EPHA2: variants seen among roughly 807,000 people sequenced by gnomAD.
EPHA2 encodes the protein EPH receptor A2.
In EPHA2, 54 loss-of-function variants were observed where a neutral mutation model predicts 104.9. The observed-to-expected ratio is 0.51, with a 90% CI of 0.41 to 0.65. EPHA2 has a LOEUF of 0.65. EPHA2 is among the 30% of genes least tolerant of loss of function. EPHA2 has a pLI of 0.00. For synonymous variants in EPHA2, 560 were observed against 559.1 expected (o/e 1.00, Z -0.02); for missense variants, 1,117 against 1,369.5 (o/e 0.82, Z 2.91).
intron 3 of EPHA2, among the ~76,000 whole-genome samples, 158 bp from the exon 4 acceptor site, chr1:16,138,588 A>C (rs954165712): frequency 1.3e-5 from 2 of 152,196 alleles, no homozygotes; most frequent in Non-Finnish European, 2.9e-5. Flanking sequence ...CTTGTGATGG[A>C]AAAATGCATG....
Position 16,154,513 on chromosome 1 carries a change from G to T in EPHA2, c.85+1335C>A, listed in dbSNP as rs570308255. On this transcript the variant is annotated intron_variant, in intron 1 of 16. Coordinates refer to ENST00000358432, the MANE Select transcript of EPHA2 (RefSeq NM_004431.5). ...TCATGCCTGTAATCGCAGCACTTTG[G>T]GAGGCCGCGGCGGGTGGATCACCTG... is the stretch of plus-strand genomic sequence containing the variant. 1.7e-3 allele frequency among the ~76,000 whole-genome samples: 256 copies of T among 152,198 alleles called. 1 individual carries two copies. The highest frequency in any genetic ancestry group is 5.9e-3 in the African/African-American group (244 of 41,540).
intron 1 of EPHA2, chr1:16,155,613 C>T (rs1257283471): frequency 4.9e-6 from 2 of 406,844 alleles, no homozygotes; most frequent in Non-Finnish European, 8.6e-6. Flanking sequence ...GTCCTCTTCT[C>T]CGCAGCCTCC....
chr1:16,135,804 G>C lies in EPHA2; in HGVS notation c.1313-34C>G. 8.6e-7 allele frequency: 1 copy of C among 1,158,560 alleles called. No individual in the cohort carries two copies. The highest frequency in any genetic ancestry group is 1.2e-5 in the South Asian group (1 of 82,146). The allele number at this position is 1,158,560 out of a possible 1,614,324, so 71.8% of individuals were successfully genotyped here. On this transcript the variant is annotated intron_variant, in intron 5 of 16. Transcript: ENST00000358432. This position sits in a 1 kb window ranked among gnomAD's most constrained non-coding sequence, Gnocchi z 4.3. Reference sequence around the variant, plus strand: ...GACAGGCAGTGGGGGAAGTGGGTAAGAAGCTGCCTACGAGCAGGCAGGGTT... The same window carrying C: ...GACAGGCAGTGGGGGAAGTGGGTAACAAGCTGCCTACGAGCAGGCAGGGTT...
intron 16 of EPHA2, among the ~76,000 whole-genome samples, chr1:16,126,445 C>T (rs982882559): frequency 1.3e-5 from 2 of 152,200 alleles, no homozygotes; most frequent in Non-Finnish European, 2.9e-5. Flanking sequence ...GGAGCCCCGG[C>T]ACAGGCGCAG....
In EPHA2 at chr1:16,131,591, A is replaced by AT. The variant is rs1257049166; in HGVS notation, c.2475+129_2475+130insA. 57 of 1,364,306 alleles carry AT rather than the reference A, an allele frequency of 4.2e-5. No homozygotes were observed. Among genetic ancestry groups the AT allele is most frequent in the Non-Finnish European group, 5.1e-5 (51 of 1,006,900 alleles). 84.5% of individuals were successfully genotyped at this position (1,364,306 alleles called of 1,614,324 possible). A position where few individuals can be genotyped will look rare whatever the true frequency, so the allele number is the denominator to read the frequency against. On this transcript the variant is annotated intron_variant, in intron 14 of 16. Coordinates refer to ENST00000358432, the MANE Select transcript of EPHA2 (RefSeq NM_004431.5). This position sits in a 1 kb window ranked among gnomAD's most constrained non-coding sequence, Gnocchi z 5.2. ...GCAAAACTCCGTCTCCAAAAAAAAAAAATAAACATTTATGGAGCAAGCCTA... is the reference window on the plus strand; with the variant it reads ...GCAAAACTCCGTCTCCAAAAAAAAAATAATAAACATTTATGGAGCAAGCCTA...
At chr1:16,141,598 GC>G (rs1449102373) in intron 3 of EPHA2, among the ~76,000 whole-genome samples, 1 of 152,218 alleles carries the variant, frequency 6.6e-6, no homozygotes, top group Admixed American at 6.5e-5. Flanking sequence ...AGGCTCTCAG[GC>G]CAGGCAGGGG....
rs910815925 is a variant in EPHA2, at chr1:16,135,775, G to A, written c.1313-5C>T. 14 of 1,591,720 alleles carry A rather than the reference G, an allele frequency of 8.8e-6. No individual in the cohort carries two copies. The highest frequency in any genetic ancestry group is 1.7e-5 in the Admixed American group (1 of 59,978). On this transcript the variant is annotated splice_region_variant and splice_polypyrimidine_tract_variant and intron_variant, in intron 5 of 16. Coordinates refer to ENST00000358432, the MANE Select transcript of EPHA2 (RefSeq NM_004431.5). This position sits in a 1 kb window ranked among gnomAD's most constrained non-coding sequence, Gnocchi z 4.3. ...CCAGCCTCACCTTGGGGGGCTCTGG[G>A]CAGGACAGGCAGTGGGGGAAGTGGG... is the stretch of plus-strand genomic sequence containing the variant.
rs557283525 is a variant in EPHA2 at position 16,134,090 on chromosome 1, G to A, written c.1683-175C>T. Among the ~76,000 whole-genome samples, 248 of 152,192 alleles carry A rather than the reference G, an allele frequency of 1.6e-3. No homozygotes were observed. The highest frequency in any genetic ancestry group is 4.6e-3 in the African/African-American group (189 of 41,532). ...TCAGGGCCGAGGGTGCGGAGAAGGCGGGTGGAGGAACAGGGAGGAAGTGAG... is the reference window on the plus strand; with the variant it reads ...TCAGGGCCGAGGGTGCGGAGAAGGCAGGTGGAGGAACAGGGAGGAAGTGAG... On this transcript the variant is annotated intron_variant, in intron 8 of 16. Transcript: ENST00000358432. This position sits in a 1 kb window ranked among gnomAD's most constrained non-coding sequence, Gnocchi z 4.5.
In EPHA2 at chr1:16,148,943, C is replaced by T. The variant is rs1332642685; in HGVS notation, c.258G>A (p.Val86=). ...DQDNWLRTNW[V]YRGEAERIFI... ...AGATACGCTCAGCCTCTCCTCGGTACACCCAGTTGGTGCGGAGCCAGTTGT... is the reference window on the plus strand; with the variant it reads ...AGATACGCTCAGCCTCTCCTCGGTATACCCAGTTGGTGCGGAGCCAGTTGT... The change falls in exon 3 of 17, where the codon GTG becomes GTA. Residue 86 remains valine (V), a synonymous_variant. Transcript: ENST00000358432. The surrounding 1 kb of genome is among the most constrained non-coding windows in gnomAD (Gnocchi z 4.9). 8 of 1,614,038 alleles carry T rather than the reference C, an allele frequency of 5.0e-6. No homozygotes were observed. The African/African-American group carries it at 9.3e-5, about 19-fold the overall frequency.
chr1:16,136,626 A>G (rs980746505), intron 5 of EPHA2, among the ~76,000 whole-genome samples: 3 of 146,218 alleles, frequency 2.1e-5, no homozygotes, highest in South Asian at 2.1e-4. Context: ...TCTCAAAAAA[A>G]AAGAAGAAGA....
At chr1:16,145,963 G>A (rs1048460659) in intron 3 of EPHA2, among the ~76,000 whole-genome samples, 14 of 152,166 alleles carry the variant, frequency 9.2e-5, no homozygotes, top group African/African-American at 3.4e-4. Flanking sequence ...TGTGGATTCC[G>A]CTCGCATGTC....
chr1:16,133,920 A>G lies in EPHA2; in HGVS notation c.1683-5T>C. On this transcript the variant is annotated splice_polypyrimidine_tract_variant and splice_region_variant and intron_variant, in intron 8 of 16. Transcript: ENST00000358432. ...CGGGCACGCTGGTTCTTCCTCCTGAAAGAGCCCCACGGGGAACCAAATGCA... is the reference window on the plus strand; with the variant it reads ...CGGGCACGCTGGTTCTTCCTCCTGAGAGAGCCCCACGGGGAACCAAATGCA... 6.4e-7 allele frequency: 1 copy of G among 1,550,826 alleles called. No homozygotes were observed. Among genetic ancestry groups the G allele is most frequent in the Admixed American group, 2.0e-5 (1 of 50,930 alleles).
At position 16,125,707 on chromosome 1, in the gene EPHA2, G is replaced by C. The variant is rs2024453526; in HGVS notation, c.2826-387C>G. Among the ~76,000 whole-genome samples, 1 of 152,162 alleles carries C rather than the reference G, an allele frequency of 6.6e-6. No homozygotes were observed. Among genetic ancestry groups the C allele is most frequent in the South Asian group, 2.1e-4 (1 of 4,828 alleles). On this transcript the variant is annotated intron_variant, in intron 16 of 16. Coordinates refer to ENST00000358432, the MANE Select transcript of EPHA2 (RefSeq NM_004431.5). This position sits in a 1 kb window ranked among gnomAD's most constrained non-coding sequence, Gnocchi z 4.9. Reference sequence around the variant, plus strand: ...AGAGAGGTAAAGTGACTTGCCTGAAGTCACACAGCTAGGAGGTGGAAGAGC... The same window carrying C: ...AGAGAGGTAAAGTGACTTGCCTGAACTCACACAGCTAGGAGGTGGAAGAGC...
At chr1:16,151,069 C>T (rs959751726) in intron 1 of EPHA2, 106 bp from the exon 2 acceptor site, 21 of 1,049,458 alleles carry the variant, frequency 2.0e-5, no homozygotes, top group African/African-American at 4.7e-5. Flanking sequence ...TCAGACAGAG[C>T]GAGAGGGACC....
rs2124210997 is a variant in EPHA2 at position 16,134,482 on chromosome 1, G to A, written c.1668C>T (p.Phe556=). Residue 556 remains phenylalanine, a synonymous_variant, in exon 8 of 17, where the codon TTC becomes TTT. Transcript: ENST00000358432. The surrounding 1 kb of genome is among the most constrained non-coding windows in gnomAD (Gnocchi z 4.5). ...VLLLVLAGVG[F]FIHRRRKNQR... Reference sequence around the variant, plus strand: ...CTCTGACGAACCTGCGGTGGATAAAGAAGCCAACTCCTGCCAGCACCAGAA... The same window carrying A: ...CTCTGACGAACCTGCGGTGGATAAAAAAGCCAACTCCTGCCAGCACCAGAA... The A allele has an allele frequency of 6.2e-7, 1 of 1,614,106 alleles. No homozygotes were observed. Among genetic ancestry groups the A allele is most frequent in the Non-Finnish European group, 8.5e-7 (1 of 1,180,032 alleles).
rs1219991862 is a variant in EPHA2, at chr1:16,124,359, T to C, written c.*856A>G. ...AGATCGGTTTGAATCATCTGCAACTTTATTCCAGAGCAGAAATAAGTCATT... is the reference window on the plus strand; with the variant it reads ...AGATCGGTTTGAATCATCTGCAACTCTATTCCAGAGCAGAAATAAGTCATT... On this transcript the variant is annotated 3_prime_UTR_variant, in exon 17 of 17. Transcript: ENST00000358432. 1 of 152,608 alleles carries C rather than the reference T, an allele frequency of 6.6e-6. No individual in the cohort carries two copies. The allele number at this position is 152,608 out of a possible 1,614,324, so 9.5% of individuals were successfully genotyped here.
intron 5 of EPHA2, among the ~76,000 whole-genome samples, chr1:16,137,207 T>C (rs903897383): frequency 2.6e-5 from 4 of 151,448 alleles, no homozygotes; most frequent in East Asian, 1.9e-4. Context: ...GGAGCAGGAG[T>C]GTCCAATCTT....
rs764772122 is a variant in EPHA2, at chr1:16,148,836, T to C, written c.365A>G (p.Tyr122Cys). The C allele has an allele frequency of 3.3e-5, 54 of 1,613,968 alleles. No homozygotes were observed. The highest frequency in any genetic ancestry group is 4.2e-5 in the Non-Finnish European group (49 of 1,180,044). Reference protein sequence around the residue: ...ASSCKETFNLYYAESDLDYGT... With the variant: ...ASSCKETFNLCYAESDLDYGT... ...GTAGTCCAGGTCCGACTCGGCATAGTAGAGGTTGAAAGTCTCCTTGCAGGA... is the reference window on the plus strand; with the variant it reads ...GTAGTCCAGGTCCGACTCGGCATAGCAGAGGTTGAAAGTCTCCTTGCAGGA... The change falls in exon 3 of 17, where the codon TAC (tyrosine) becomes TGC (cysteine). Residue 122 changes from tyrosine to cysteine, a missense_variant. Tyr to Cys is a radical substitution (Grantham distance 194). Transcript: ENST00000358432. This position sits in a 1 kb window ranked among gnomAD's most constrained non-coding sequence, Gnocchi z 4.9.
Position 16,150,783 on chromosome 1 carries a change from G to C in EPHA2, c.153+113C>G. 3 of 1,200,730 alleles carry C rather than the reference G, an allele frequency of 2.5e-6. No individual in the cohort carries two copies. The highest frequency in any genetic ancestry group is 3.7e-6 in the Non-Finnish European group (3 of 816,028). 74.4% of individuals were successfully genotyped at this position (1,200,730 alleles called of 1,614,324 possible). On this transcript the variant is annotated intron_variant, in intron 2 of 16. Coordinates refer to ENST00000358432, the MANE Select transcript of EPHA2 (RefSeq NM_004431.5). The surrounding 1 kb of genome is among the most constrained non-coding windows in gnomAD (Gnocchi z 4.8). ...TGGACCCTGAGCCTGAGACCTGGCT[G>C]AGCTGCTGAATTGAAGCCAGGCCCC...
Sources: allele counts gnomAD v4.1 joint callset (sites outside exome capture counted in the v4.1 genomes callset), GRCh38; gene constraint gnomAD v4.1.1; non-coding constraint Gnocchi (gnomAD v3.1); transcripts MANE v1.5; gene names NCBI Gene and HGNC (gene_info 2026-07-23, HGNC 2026-07-21).